Variants in TPST2 observed in about 807,000 individuals in gnomAD.
TPST2 encodes the protein tyrosylprotein sulfotransferase 2, also known as protein-tyrosine sulfotransferase 2.
A neutral mutation model predicts 27.8 loss-of-function variants in TPST2; 16 were observed. The observed-to-expected ratio is 0.58, with a 90% CI of 0.39 to 0.88. The LOEUF (loss-of-function observed/expected upper bound fraction) is 0.88, where lower values mean the gene tolerates loss of function less well. Ranked by LOEUF, TPST2 falls within the 40% of genes least tolerant of loss-of-function variation. The probability of loss-of-function intolerance (pLI) is 0.00; values close to 1 mark genes in which losing one functional copy is unlikely to be tolerated. For missense variants in TPST2, 464 were observed against 543.1 expected (o/e 0.85, Z 1.45); for synonymous variants, 229 against 231.7 (o/e 0.99, Z 0.10).
At chr22:26,573,318 A>T (rs374034319) in intron 1 of TPST2, among the ~76,000 whole-genome samples, 5 of 152,316 alleles carry the variant, frequency 3.3e-5, no homozygotes, top group African/African-American at 1.2e-4. Context: ...GGCGTGAGCC[A>T]CGGCGCCCTG....
intron 5 of TPST2, 133 bp from the exon 6 acceptor site, chr22:26,528,395 T>C: frequency 8.8e-7 from 1 of 1,139,492 alleles, no homozygotes; most frequent in Middle Eastern, 2.0e-4. Flanking sequence ...ACATCTACTA[T>C]GTGCCAGGTG....
chr22:26,529,271 C>T (rs1000582089), intron 5 of TPST2, among the ~76,000 whole-genome samples: 3 of 152,136 alleles, frequency 2.0e-5, no homozygotes, highest in Admixed American at 6.5e-5. Context: ...GGACTACAGA[C>T]GTGTGCCACC....
chr22:26,545,962 G>A (rs898833774), intron 1 of TPST2, among the ~76,000 whole-genome samples: 2 of 151,742 alleles, frequency 1.3e-5, no homozygotes, highest in Non-Finnish European at 2.9e-5. Context: ...CTATAGTCCC[G>A]GCTACTTGGG....
intron 1 of TPST2, chr22:26,550,658 C>G: frequency 1.0e-6 from 1 of 985,954 alleles, no homozygotes; most frequent in Non-Finnish European, 1.2e-6. Flanking sequence ...TGCAATTCCT[C>G]CCCATGGGAA....
chr22:26,576,548 C>T (rs1034355494), intron 1 of TPST2, among the ~76,000 whole-genome samples: 14 of 151,882 alleles, frequency 9.2e-5, no homozygotes, highest in Non-Finnish European at 1.5e-4. Flanking sequence ...AGGAACAGCT[C>T]GAGCAGCGGG....
intron 1 of TPST2, among the ~76,000 whole-genome samples, chr22:26,562,875 G>A (rs527816876): frequency 5.3e-5 from 8 of 152,124 alleles, no homozygotes; most frequent in South Asian, 2.1e-4. Flanking sequence ...TGCCCGCCTC[G>A]GCCTCCCAAA....
At chr22:26,585,353 G>GC (rs11376024) in intron 1 of TPST2, among the ~76,000 whole-genome samples, 152,298 of 152,300 alleles carry the variant, frequency 1, 76,148 homozygotes, top group Middle Eastern at 1. Context: ...TGTGGGCACT[G>GC]CCTCTGAGGT....
chr22:26,529,964 T>C (rs1925062333), intron 5 of TPST2, among the ~76,000 whole-genome samples: 1 of 152,200 alleles, frequency 6.6e-6, no homozygotes, highest in Non-Finnish European at 1.5e-5. Flanking sequence ...TTTGTGGGAA[T>C]CAGAGATCTA....
At chr22:26,565,962 G>A (rs990390551) in intron 1 of TPST2, among the ~76,000 whole-genome samples, 1 of 152,092 alleles carries the variant, frequency 6.6e-6, no homozygotes, top group Admixed American at 6.5e-5. Context: ...CACCCAAACT[G>A]TTGTACACAC....
At chr22:26,539,068 T>C (rs1194441807) in intron 3 of TPST2, among the ~76,000 whole-genome samples, 1 of 152,234 alleles carries the variant, frequency 6.6e-6, no homozygotes, top group Non-Finnish European at 1.5e-5. Context: ...TGTATTACTT[T>C]GGTAATCTAA....
chr22:26,564,859 C>A (rs1458849163), intron 1 of TPST2, among the ~76,000 whole-genome samples: 4 of 152,160 alleles, frequency 2.6e-5, no homozygotes, highest in South Asian at 2.1e-4. Flanking sequence ...CAGCATTACT[C>A]ATCTGAATTC....
chr22:26,563,318 C>T (rs1444740135), intron 1 of TPST2, among the ~76,000 whole-genome samples: 4 of 149,068 alleles, frequency 2.7e-5, no homozygotes, highest in Non-Finnish European at 4.4e-5. Context: ...GACCTCCTTC[C>T]CTCCCTCTTC....
chr22:26,531,990 C>T (rs1244302291), intron 5 of TPST2, among the ~76,000 whole-genome samples: 3 of 152,112 alleles, frequency 2.0e-5, no homozygotes, highest in South Asian at 2.1e-4. Flanking sequence ...AAAAATTAGC[C>T]GGGCATGATG....
At chr22:26,542,898 G>A (rs1925941028) in intron 2 of TPST2, among the ~76,000 whole-genome samples, 1 of 152,220 alleles carries the variant, frequency 6.6e-6, no homozygotes, top group African/African-American at 2.4e-5. Flanking sequence ...CTGCAGCTGG[G>A]CCTATCCACC....
At chr22:26,557,747 C>G (rs1926874425) in intron 1 of TPST2, among the ~76,000 whole-genome samples, 2 of 95,840 alleles carry the variant, frequency 2.1e-5, no homozygotes, top group Non-Finnish European at 4.8e-5. Flanking sequence ...AGGGAGCCAT[C>G]TCAAAGAAGA....
At chr22:26,566,684 G>A (rs1420661555) in intron 1 of TPST2, among the ~76,000 whole-genome samples, 1 of 152,092 alleles carries the variant, frequency 6.6e-6, no homozygotes, top group African/African-American at 2.4e-5. Flanking sequence ...CCCAGGAGGC[G>A]GAGTTTGCAG....
At chr22:26,577,625 A>C (rs1927906900) in intron 1 of TPST2, among the ~76,000 whole-genome samples, 2 of 148,978 alleles carry the variant, frequency 1.3e-5, no homozygotes, top group South Asian at 4.3e-4. Flanking sequence ...CTGGGATTAC[A>C]GGTGTGAGCC....
chr22:26,557,437 G>A (rs1171636087), intron 1 of TPST2, among the ~76,000 whole-genome samples: 4 of 152,184 alleles, frequency 2.6e-5, no homozygotes, highest in Non-Finnish European at 5.9e-5. Context: ...GGCTTAATAA[G>A]GGAAAGACCA....
At chr22:26,583,154 G>T (rs1008208912) in intron 1 of TPST2, among the ~76,000 whole-genome samples, 1 of 150,862 alleles carries the variant, frequency 6.6e-6, no homozygotes, top group African/African-American at 2.4e-5. Flanking sequence ...CAAATAAAAG[G>T]CCAGGCACAG....
Sources: gnomAD v4.1 joint callset for allele counts (sites outside exome capture counted in the v4.1 genomes callset) on GRCh38, gnomAD v4.1.1 for gene constraint, MANE v1.5 for transcripts, NCBI Gene and HGNC (gene_info 2026-07-23, HGNC 2026-07-21) for gene names.